The following CHD2 variants were observed in gnomAD, a reference collection of about 807,000 sequenced individuals.
CHD2 encodes chromodomain helicase DNA binding protein 2.
A neutral mutation model predicts 243.9 loss-of-function variants in CHD2; 28 were observed. The observed-to-expected ratio is 0.11, with a 90% CI of 0.09 to 0.16. The LOEUF (loss-of-function observed/expected upper bound fraction) is 0.16, where lower values mean the gene tolerates loss of function less well. Ranked by LOEUF, CHD2 falls within the 10% of genes least tolerant of loss-of-function variation. CHD2 has a pLI of 1.00. For synonymous variants in CHD2, 775 were observed against 779.0 expected (o/e 0.99, Z 0.09); for missense variants, 1,386 against 2,209.8 (o/e 0.63, Z 7.47).
rs1486966076 is a variant in CHD2 at position 92,940,894 on chromosome 15, AT to A, written c.693-927del. Among the ~76,000 whole-genome samples the A allele has an allele frequency of 7.7e-4, 67 of 87,362 alleles. No homozygotes were observed. The Admixed American group carries it at 8.7e-3, about 11-fold the overall frequency. 57.3% of individuals were successfully genotyped at this position (87,362 alleles called of 152,430 possible). A position where few individuals can be genotyped will look rare whatever the true frequency, so the allele number is the denominator to read the frequency against. On this transcript the variant is annotated intron_variant, in intron 7 of 38. Coordinates refer to ENST00000394196, the MANE Select transcript of CHD2 (RefSeq NM_001271.4). ...AATATACATATAAATATATATAAAA[AT>A]ATATATAAATATATATATAAATATA... is the stretch of plus-strand genomic sequence containing the variant.
At chr15:92,959,860 T>C (rs1338429409) in intron 16 of CHD2, among the ~76,000 whole-genome samples, 1 of 152,214 alleles carries the variant, frequency 6.6e-6, no homozygotes, top group Non-Finnish European at 1.5e-5. Context: ...TTTTGGTTAT[T>C]CTAGAATTCT....
In CHD2 at chr15:92,979,127, T is replaced by C. The variant is rs762774089; in HGVS notation, c.2728-8T>C. On this transcript the variant is annotated splice_polypyrimidine_tract_variant and splice_region_variant and intron_variant, in intron 21 of 38. Transcript: ENST00000394196. Reference sequence around the variant, plus strand: ...CAGGCATAAGCATAACAGTTCCTTTTCCTACAGGTAAATATTTACCGCTTA... The same window carrying C: ...CAGGCATAAGCATAACAGTTCCTTTCCCTACAGGTAAATATTTACCGCTTA... 2.5e-6 allele frequency: 4 copies of C among 1,613,700 alleles called. No individual in the cohort carries two copies. In the East Asian group the frequency reaches 8.9e-5, roughly 36 times the overall value.
intron 2 of CHD2, among the ~76,000 whole-genome samples, chr15:92,906,812 G>C (rs1054934599): frequency 2.6e-5 from 4 of 151,664 alleles, no homozygotes; most frequent in African/African-American, 9.7e-5. Flanking sequence ...AGAGTATTTT[G>C]TGTACAGGTG....
At chr15:92,979,451 T>G (rs532628664) in intron 22 of CHD2, among the ~76,000 whole-genome samples, 168 bp downstream of exon 22, 2 of 152,262 alleles carry the variant, frequency 1.3e-5, no homozygotes, top group Admixed American at 1.3e-4. Flanking sequence ...TTGGTTCCTT[T>G]TTTTGCCCAT....
intron 31 of CHD2, among the ~76,000 whole-genome samples, chr15:93,000,188 C>T (rs1325697626): frequency 6.6e-6 from 1 of 152,112 alleles, no homozygotes; most frequent in East Asian, 1.9e-4. Context: ...ATCGCTTGAA[C>T]CCGGGAGGCA....
Position 92,998,750 on chromosome 15 carries a change from T to C in CHD2, c.4008+129T>C. ...ACCTTCTCATGGGCATATTTTGTTTTTGAGGTTCCAGTAATGATGCTTTGC... is the reference window on the plus strand; with the variant it reads ...ACCTTCTCATGGGCATATTTTGTTTCTGAGGTTCCAGTAATGATGCTTTGC... On this transcript the variant is annotated intron_variant, in intron 31 of 38. Coordinates refer to ENST00000394196, the MANE Select transcript of CHD2 (RefSeq NM_001271.4). This position sits in a 1 kb window ranked among gnomAD's most constrained non-coding sequence, Gnocchi z 5.1. 4 of 1,218,512 alleles carry C rather than the reference T, an allele frequency of 3.3e-6. No homozygotes were observed. Among genetic ancestry groups the C allele is most frequent in the Non-Finnish European group, 4.6e-6 (4 of 875,998 alleles). The allele number at this position is 1,218,512 out of a possible 1,614,324, so 75.5% of individuals were successfully genotyped here. A position where few individuals can be genotyped will look rare whatever the true frequency, so the allele number is the denominator to read the frequency against.
rs1254175437 is a variant in CHD2 at position 92,900,844 on chromosome 15, T to C, written c.-72+20T>C. 4 of 406,180 alleles carry C rather than the reference T, an allele frequency of 9.8e-6. No homozygotes were observed. The highest frequency in any genetic ancestry group is 8.3e-5 in the African/African-American group (4 of 48,322). 25.2% of individuals were successfully genotyped at this position (406,180 alleles called of 1,614,324 possible). On this transcript the variant is annotated intron_variant, in intron 1 of 38. Transcript: ENST00000394196. The stretch of plus-strand genomic sequence containing the variant: ...GATCAGGTAAGTTCACGATCATTGG[T>C]GATAATTTTAAAGATTTATTTGTTT...
At chr15:92,914,425 G>T (rs2052796661) in intron 2 of CHD2, among the ~76,000 whole-genome samples, 2 of 152,210 alleles carry the variant, frequency 1.3e-5, no homozygotes, top group Admixed American at 1.3e-4. Flanking sequence ...TAGAATACAT[G>T]TTTCTCTAAT....
intron 37 of CHD2, 21 bp from the exon 38 acceptor site, chr15:93,019,991 T>C: frequency 6.2e-7 from 1 of 1,600,782 alleles, no homozygotes; most frequent in Non-Finnish European, 8.5e-7. Context: ...AGTCATCAGA[T>C]CATTCTTTCT....
chr15:92,979,074 C>CT lies in CHD2; in HGVS notation c.2728-54dup, dbSNP rs2053944418. The CT allele has an allele frequency of 1.2e-5, 19 of 1,577,560 alleles. No homozygotes were observed. In the East Asian group the frequency reaches 2.7e-4, roughly 22 times the overall value. On this transcript the variant is annotated intron_variant, in intron 21 of 38. Coordinates refer to ENST00000394196, the MANE Select transcript of CHD2 (RefSeq NM_001271.4). ...GTTTTGACAGAGCTAATCCTTCTCT[C>CT]TTTTTTTGGGGGGGTTGGGGGGTGG...
At chr15:92,953,762 T>G (rs919561274) in intron 14 of CHD2, 189 bp downstream of exon 14, 2 of 594,620 alleles carry the variant, frequency 3.4e-6, no homozygotes, top group Non-Finnish European at 5.9e-6. Context: ...ATATGCTTAC[T>G]AGTTAAAAAG....
At chr15:92,928,660 C>G (rs984830718) in intron 4 of CHD2, among the ~76,000 whole-genome samples, 1 of 152,176 alleles carries the variant, frequency 6.6e-6, no homozygotes, top group Non-Finnish European at 1.5e-5. Context: ...ATAAAACTTC[C>G]ATTTCTCAGT....
At chr15:92,965,472 C>G (rs957028135) in intron 16 of CHD2, 6 of 149,094 alleles carry the variant, frequency 4.0e-5, no homozygotes. Context: ...AGGAGAATGG[C>G]GTCAACCCAG....
rs970447935 is a variant in CHD2 at position 92,967,436 on chromosome 15, T to C, written c.2112T>C (p.Asp704=). The change falls in exon 17 of 39, where the codon GAT becomes GAC. Residue 704 remains aspartate (D), a synonymous_variant. Coordinates refer to ENST00000394196, the MANE Select transcript of CHD2 (RefSeq NM_001271.4). The stretch of plus-strand genomic sequence containing the variant: ...TCCTTCTCCGGAGAGTCAAAAAAGA[T>C]GTGGAGAAATCCCTTCCTGCTAAAG... The part of the protein sequence containing the change: ...EPFLLRRVKK[D]VEKSLPAKVE... 7 of 1,613,960 alleles carry C rather than the reference T, an allele frequency of 4.3e-6. No individual in the cohort carries two copies. Among genetic ancestry groups the C allele is most frequent in the Non-Finnish European group, 5.9e-6 (7 of 1,179,942 alleles).
intron 25 of CHD2, among the ~76,000 whole-genome samples, chr15:92,985,067 A>T (rs976718812): frequency 9.2e-5 from 14 of 152,174 alleles, no homozygotes; most frequent in African/African-American, 3.1e-4. Context: ...AGTATGAGGT[A>T]ACACTAGCTA....
rs1596463618 is a variant in CHD2 at position 93,024,056 on chromosome 15, T to A, written c.5154-316T>A. Among the ~76,000 whole-genome samples, 3 of 152,184 alleles carry A rather than the reference T, an allele frequency of 2.0e-5. No homozygotes were observed. The South Asian group carries it at 6.2e-4, about 32-fold the overall frequency. On this transcript the variant is annotated intron_variant, in intron 38 of 38. Transcript: ENST00000394196. The stretch of plus-strand genomic sequence containing the variant: ...TACAAAATAATTTCTGTGGCTCTTT[T>A]TCTCATGGGCTGGGTCCAGGAATAT...
chr15:92,978,017 C>G (rs2053932188), intron 20 of CHD2: 1 of 553,322 alleles, frequency 1.8e-6, no homozygotes. Flanking sequence ...TTAGAGTCTA[C>G]TCTACTCCTG....
rs767024945 is a variant in CHD2, at chr15:93,020,137, C to T, written c.5032C>T (p.Arg1678Trp). The change falls in exon 38 of 39, where the codon CGG becomes TGG. Residue 1678 changes from arginine to tryptophan, a missense_variant. Around this residue, in one of 19 missense-constraint regions of CHD2, gnomAD observed 347 missense variants for 341.6 expected, o/e 1.02. Coordinates refer to ENST00000394196, the MANE Select transcript of CHD2 (RefSeq NM_001271.4). ...HWYKDHHYGD[R>W]RHMDAHRSGS... ...GTACAAGGACCACCATTATGGGGAC[C>T]GGCGACATATGGATGCCCACCGTTC... 46 of 1,613,794 alleles carry T rather than the reference C, an allele frequency of 2.9e-5. No homozygotes were observed. Among genetic ancestry groups the T allele is most frequent in the Middle Eastern group, 1.6e-4 (1 of 6,084 alleles).
Position 92,979,048 on chromosome 15 carries a change from G to C in CHD2, c.2728-87G>C, listed in dbSNP as rs183436494. 16 of 1,525,278 alleles carry C rather than the reference G, an allele frequency of 1.0e-5. No individual in the cohort carries two copies. The South Asian group carries it at 1.9e-4, about 19-fold the overall frequency. 94.5% of individuals were successfully genotyped at this position (1,525,278 alleles called of 1,614,324 possible). On this transcript the variant is annotated intron_variant, in intron 21 of 38. Transcript: ENST00000394196. The stretch of plus-strand genomic sequence containing the variant: ...ATTCTGTTAAAATTTTCCCCTCTTG[G>C]GTTTTGACAGAGCTAATCCTTCTCT...
Sources: allele counts gnomAD v4.1 joint callset (sites outside exome capture counted in the v4.1 genomes callset), GRCh38; gene constraint gnomAD v4.1.1; regional missense constraint gnomAD v4.1.1; non-coding constraint Gnocchi (gnomAD v3.1); transcripts MANE v1.5; gene names NCBI Gene and HGNC (gene_info 2026-07-23, HGNC 2026-07-21).